The following NUP153 variants were observed in gnomAD, a reference collection of about 807,000 sequenced individuals.
The protein encoded by NUP153 is nucleoporin 153, also known as nuclear pore complex protein Nup153.
In NUP153, 27 loss-of-function variants were observed where a neutral mutation model predicts 134.6. That is an observed-to-expected ratio of 0.20 (90% CI 0.15 to 0.28). The LOEUF (loss-of-function observed/expected upper bound fraction) is 0.28. NUP153 is among the 10% of genes least tolerant of loss of function. The pLI is 1.00. For synonymous variants in NUP153, 640 were observed against 623.5 expected, an observed-to-expected ratio of 1.03 and a Z score of -0.40; for missense variants, 1,821 against 1,731.3, an observed-to-expected ratio of 1.05 and a Z score of -0.92.
intron 2 of NUP153, among the ~76,000 whole-genome samples, chr6:17,681,318 G>A (rs1426600746): frequency 2.0e-5 from 3 of 152,176 alleles, no homozygotes; most frequent in Admixed American, 6.5e-5. Flanking sequence ...ACCAGAAGGC[G>A]GCTCATGCCT....
chr6:17,625,308 G>A lies in NUP153; in HGVS notation c.3902-475C>T, dbSNP rs1029821592. Among the ~76,000 whole-genome samples, 2 of 152,056 alleles carry A rather than the reference G, an allele frequency of 1.3e-5. No homozygotes were observed. Among genetic ancestry groups the A allele is most frequent in the Non-Finnish European group, 2.9e-5 (2 of 68,004 alleles). On this transcript the variant is annotated intron_variant, in intron 19 of 21. Coordinates refer to ENST00000262077, the MANE Select transcript of NUP153 (RefSeq NM_005124.4). The surrounding 1 kb of genome is among the most constrained non-coding windows in gnomAD (Gnocchi z 4.7). ...TCTCAGCACTTTGAAAGGCCGAGGCGGGCAAATCATGAGGTCAGGAATTCG... is the reference window on the plus strand; with the variant it reads ...TCTCAGCACTTTGAAAGGCCGAGGCAGGCAAATCATGAGGTCAGGAATTCG...
chr6:17,695,969 A>T (rs777146423), intron 1 of NUP153, among the ~76,000 whole-genome samples: 1 of 152,116 alleles, frequency 6.6e-6, no homozygotes, highest in African/African-American at 2.4e-5. Context: ...AGATTGCACC[A>T]CTGCACTCCA....
intron 9 of NUP153, among the ~76,000 whole-genome samples, chr6:17,664,930 G>A (rs992990113): frequency 1.3e-5 from 2 of 151,826 alleles, no homozygotes; most frequent in Admixed American, 6.6e-5. Flanking sequence ...GCACATGCCT[G>A]TAGTCCCAGC....
intron 5 of NUP153, among the ~76,000 whole-genome samples, chr6:17,671,818 G>A (rs1010054029): frequency 2.6e-5 from 4 of 152,118 alleles, no homozygotes; most frequent in Non-Finnish European, 5.9e-5. Flanking sequence ...GACCAGCCTG[G>A]CCAACATGGT....
In NUP153 at chr6:17,638,473, TCCA is replaced by T. The variant is rs1420328595; in HGVS notation, c.1847-706_1847-704del. On this transcript the variant is annotated intron_variant, in intron 15 of 21. Transcript: ENST00000262077. The surrounding 1 kb of genome is among the most constrained non-coding windows in gnomAD (Gnocchi z 4.0). Reference sequence around the variant, plus strand: ...AGAAGGTTATTAGAGGTTTTCTAGTTCCACAAAATAATCCAGCCTAGAGCTATT... The same window carrying T: ...AGAAGGTTATTAGAGGTTTTCTAGTTCAAAATAATCCAGCCTAGAGCTATT... 6.6e-6 allele frequency among the ~76,000 whole-genome samples: 1 copy of T among 152,184 alleles called. No individual in the cohort carries two copies. Among genetic ancestry groups the T allele is most frequent in the Non-Finnish European group, 1.5e-5 (1 of 68,036 alleles).
At chr6:17,685,693 T>C (rs946985510) in intron 2 of NUP153, among the ~76,000 whole-genome samples, 2 of 152,168 alleles carry the variant, frequency 1.3e-5, no homozygotes, top group South Asian at 2.1e-4. Context: ...CATGCTAATG[T>C]AAATAAACTC....
intron 20 of NUP153, among the ~76,000 whole-genome samples, chr6:17,620,305 A>G (rs528008217): frequency 6.6e-6 from 1 of 152,292 alleles, no homozygotes; most frequent in Admixed American, 6.5e-5. Context: ...CACATAGACC[A>G]ATGGAATAGA....
At chr6:17,697,856 C>T (rs1238498920) in intron 1 of NUP153, among the ~76,000 whole-genome samples, 2 of 152,254 alleles carry the variant, frequency 1.3e-5, no homozygotes, top group East Asian at 1.9e-4. Flanking sequence ...TTGTAATTAA[C>T]GACATTCTTT....
chr6:17,706,666 C>A lies in NUP153; in HGVS notation c.-279G>T, dbSNP rs912226849. 7 of 520,742 alleles carry A rather than the reference C, an allele frequency of 1.3e-5. No individual in the cohort carries two copies. Among genetic ancestry groups the A allele is most frequent in the Non-Finnish European group, 2.4e-5 (7 of 292,304 alleles). The allele number at this position is 520,742 out of a possible 1,614,324, so 32.3% of individuals were successfully genotyped here. A position where few individuals can be genotyped will look rare whatever the true frequency, so the allele number is the denominator to read the frequency against. ...CCCCCGCCTCTGTGTGTGTCACGGT[C>A]TCTATGGAGATCTCCCGCAGAGGAC... On this transcript the variant is annotated 5_prime_UTR_variant, in exon 1 of 22. Coordinates refer to ENST00000262077, the MANE Select transcript of NUP153 (RefSeq NM_005124.4). This position sits in a 1 kb window ranked among gnomAD's most constrained non-coding sequence, Gnocchi z 5.9.
At chr6:17,627,850 A>G (rs1027812535) in intron 18 of NUP153, among the ~76,000 whole-genome samples, 3 of 152,200 alleles carry the variant, frequency 2.0e-5, no homozygotes, top group Non-Finnish European at 2.9e-5. Flanking sequence ...TTGGTGTCCT[A>G]AATTTCAGTG....
chr6:17,624,798 G>T lies in NUP153; in HGVS notation c.3937C>A (p.Pro1313Thr), dbSNP rs1191786781. The T allele has an allele frequency of 6.2e-7, 1 of 1,613,442 alleles. No homozygotes were observed. Among genetic ancestry groups the T allele is most frequent in the Admixed American group, 1.7e-5 (1 of 59,984 alleles). ...SFVFGTGPSA[P>T]SASPAFGANQ... ...GCACCAAATGCTGGACTGGCAGATG[G>T]TGCTGAGGGTCCAGTTCCAAATACA... is the stretch of plus-strand genomic sequence containing the variant. Residue 1313 changes from proline (P) to threonine (T), a missense_variant, in exon 20 of 22, where the codon CCA becomes ACA. Coordinates refer to ENST00000262077, the MANE Select transcript of NUP153 (RefSeq NM_005124.4).
At chr6:17,636,508 T>C (rs1265560137) in intron 16 of NUP153, among the ~76,000 whole-genome samples, 2 of 152,176 alleles carry the variant, frequency 1.3e-5, no homozygotes, top group East Asian at 3.8e-4. Flanking sequence ...GAAAACAGTG[T>C]AATTCCCAGG....
intron 1 of NUP153, among the ~76,000 whole-genome samples, chr6:17,694,805 C>T (rs973391567): frequency 2.0e-5 from 3 of 151,836 alleles, no homozygotes; most frequent in Non-Finnish European, 4.4e-5. Flanking sequence ...AGTGAAACCC[C>T]GTCTCTACTA....
chr6:17,689,938 T>C (rs1000665779), intron 1 of NUP153, among the ~76,000 whole-genome samples: 1 of 152,208 alleles, frequency 6.6e-6, no homozygotes, highest in Non-Finnish European at 1.5e-5. Context: ...AATTTATACA[T>C]ATTATTTAGT....
intron 18 of NUP153, among the ~76,000 whole-genome samples, chr6:17,626,433 C>A (rs907117790): frequency 6.6e-6 from 1 of 152,098 alleles, no homozygotes; most frequent in Non-Finnish European, 1.5e-5. Context: ...ACCTCGAATC[C>A]AAATCTAACT....
intron 1 of NUP153, among the ~76,000 whole-genome samples, chr6:17,693,938 T>C (rs1769454039): frequency 6.6e-6 from 1 of 152,208 alleles, no homozygotes. Flanking sequence ...CATGGCCTCT[T>C]TACTTTTTCA....
At chr6:17,693,946 T>G (rs1022493836) in intron 1 of NUP153, among the ~76,000 whole-genome samples, 3 of 152,216 alleles carry the variant, frequency 2.0e-5, no homozygotes, top group African/African-American at 4.8e-5. Context: ...CTTTACTTTT[T>G]CAGGTCTTTG....
intron 1 of NUP153, among the ~76,000 whole-genome samples, chr6:17,689,819 C>A (rs537067673): frequency 6.6e-6 from 1 of 152,094 alleles, no homozygotes; most frequent in African/African-American, 2.4e-5. Context: ...GCCACCGTGC[C>A]CAGCTATTAT....
chr6:17,706,400 G>C lies in NUP153; in HGVS notation c.-13C>G, dbSNP rs748285594. ...CTCCCGAGGCCATGGCGGAGCCTCC[G>C]CCGCTTCCCGCTCCGGGGCGGGTAA... On this transcript the variant is annotated 5_prime_UTR_variant, in exon 1 of 22. Transcript: ENST00000262077. The surrounding 1 kb of genome is among the most constrained non-coding windows in gnomAD (Gnocchi z 5.9). The C allele has an allele frequency of 4.4e-6, 7 of 1,602,224 alleles. No homozygotes were observed. The East Asian group carries it at 1.3e-4, about 31-fold the overall frequency.
Sources: allele counts gnomAD v4.1 joint callset (sites outside exome capture counted in the v4.1 genomes callset), GRCh38; gene constraint gnomAD v4.1.1; non-coding constraint Gnocchi (gnomAD v3.1); transcripts MANE v1.5; gene names NCBI Gene and HGNC (gene_info 2026-07-23, HGNC 2026-07-21).